The following H3-4 variants were observed in gnomAD, a reference collection of about 807,000 sequenced individuals.
The protein encoded by H3-4 is H3.4 histone, cluster member.
Under a neutral mutation model 3.8 loss-of-function variants are expected in H3-4, and 6 were observed. The ratio of observed to expected loss-of-function variants is 1.59; its 90% CI spans 0.87 to 3.13. H3-4 has a LOEUF of 3.13. Ranked by LOEUF, H3-4 falls within the 30% of genes most tolerant of loss-of-function variation. The pLI, the probability that H3-4 is intolerant of heterozygous loss-of-function variation, is 0.00. For synonymous variants in H3-4, 138 were observed against 86.5 expected, an observed-to-expected ratio of 1.60 and a Z score of -3.30; for missense variants, 298 against 202.4, an observed-to-expected ratio of 1.47 and a Z score of -2.87.
At position 228,425,244 on chromosome 1, in the gene H3-4, T is replaced by C. The variant is rs1275262455; in HGVS notation, c.82A>G (p.Lys28Glu). 4.3e-6 allele frequency: 7 copies of C among 1,613,528 alleles called. No homozygotes were observed. Among genetic ancestry groups the C allele is most frequent in the Non-Finnish European group, 5.1e-6 (6 of 1,179,748 alleles). ...RKQLATKVAR[K>E]SAPATGGVKK... Reference sequence around the variant, plus strand: ...ACGCCGCCAGTGGCAGGTGCGCTCTTGCGAGCCACCTTGGTGGCCAGCTGC... The same window carrying C: ...ACGCCGCCAGTGGCAGGTGCGCTCTCGCGAGCCACCTTGGTGGCCAGCTGC... The change falls in exon 1 of 1, where the codon AAG (lysine) becomes GAG (glutamate). Residue 28 changes from lysine (K) to glutamate (E), a missense_variant. Transcript: ENST00000366696.
In H3-4 at chr1:228,425,207, T is replaced by C. The variant is rs1177161942; in HGVS notation, c.119A>G (p.His40Arg). Residue 40 changes from histidine (H) to arginine (R), a missense_variant, in exon 1 of 1, where the codon CAC becomes CGC. Transcript: ENST00000366696. ...CGCCACCGTGCCGGGCCGGTAGCGG[T>C]GCGGCTTCTTCACGCCGCCAGTGGC... ...APATGGVKKP[H>R]RYRPGTVALR... 1 of 1,613,848 alleles carries C rather than the reference T, an allele frequency of 6.2e-7. No individual in the cohort carries two copies. Among genetic ancestry groups the C allele is most frequent in the South Asian group, 1.1e-5 (1 of 91,064 alleles).
chr1:228,424,859 T>C lies in H3-4; in HGVS notation c.*56A>G. 1.2e-6 allele frequency: 2 copies of C among 1,610,986 alleles called. No individual in the cohort carries two copies. The highest frequency in any genetic ancestry group is 1.7e-6 in the Non-Finnish European group (2 of 1,177,306). ...ACTCTTCGACCAGGTGGGTGGCTCTTAAAAGAGCCTTTGGGGTGAACGTTG... is the reference window on the plus strand; with the variant it reads ...ACTCTTCGACCAGGTGGGTGGCTCTCAAAAGAGCCTTTGGGGTGAACGTTG... On this transcript the variant is annotated 3_prime_UTR_variant, in exon 1 of 1. Transcript: ENST00000366696.
Position 228,424,905 on chromosome 1 carries a change from G to C in H3-4, c.*10C>G. The stretch of plus-strand genomic sequence containing the variant: ...CGTTGCGCAACCTCTCAGGTGGCGA[G>C]ATAGCCCTCCTAGGCCCGCTCCCCG... On this transcript the variant is annotated 3_prime_UTR_variant, in exon 1 of 1. Transcript: ENST00000366696. 2 of 1,614,200 alleles carry C rather than the reference G, an allele frequency of 1.2e-6. No homozygotes were observed. The highest frequency in any genetic ancestry group is 1.7e-6 in the Non-Finnish European group (2 of 1,180,026).
rs572693507 is a variant in H3-4 at position 228,425,209 on chromosome 1, C to T, written c.117G>A (p.Pro39=). Residue 39 remains proline, a synonymous_variant, in exon 1 of 1, where the codon CCG becomes CCA. Transcript: ENST00000366696. ...CCACCGTGCCGGGCCGGTAGCGGTGCGGCTTCTTCACGCCGCCAGTGGCAG... is the reference window on the plus strand; with the variant it reads ...CCACCGTGCCGGGCCGGTAGCGGTGTGGCTTCTTCACGCCGCCAGTGGCAG... ...SAPATGGVKK[P]HRYRPGTVAL... 11 of 1,613,834 alleles carry T rather than the reference C, an allele frequency of 6.8e-6. No homozygotes were observed. The Admixed American group carries it at 8.3e-5, about 12-fold the overall frequency.
chr1:228,425,333 A>G lies in H3-4; in HGVS notation c.-8T>C. The G allele has an allele frequency of 6.2e-7, 1 of 1,613,804 alleles. No homozygotes were observed. On this transcript the variant is annotated 5_prime_UTR_variant, in exon 1 of 1. Transcript: ENST00000366696. The stretch of plus-strand genomic sequence containing the variant: ...CTGCTTGGTTCGGGCCATGAATCCG[A>G]AACTGTTGGCCCCGCGGTGTCCTCT...
chr1:228,425,092 G>A lies in H3-4; in HGVS notation c.234C>T (p.Asp78=), dbSNP rs758405073. 10 of 1,614,280 alleles carry A rather than the reference G, an allele frequency of 6.2e-6. No individual in the cohort carries two copies. The highest frequency in any genetic ancestry group is 6.8e-6 in the Non-Finnish European group (8 of 1,180,050). The change falls in exon 1 of 1, where the codon GAC becomes GAT. Residue 78 remains aspartate (D), a synonymous_variant. Coordinates refer to ENST00000366696, the MANE Select transcript of H3-4 (RefSeq NM_003493.3). ...FQRLMREIAQ[D]FKTDLRFQSS... ...TCTGGAAGCGCAGGTCGGTCTTAAA[G>A]TCCTGAGCGATCTCGCGCATCAGCC...
At position 228,424,930 on chromosome 1, in the gene H3-4, G is replaced by A. The variant is rs767959555; in HGVS notation, c.396C>T (p.Arg132=). The change falls in exon 1 of 1, where the codon CGC becomes CGT. Residue 132 remains arginine, a synonymous_variant. Coordinates refer to ENST00000366696, the MANE Select transcript of H3-4 (RefSeq NM_003493.3). Reference sequence around the variant, plus strand: ...GATAGCCCTCCTAGGCCCGCTCCCCGCGGATACGGCGTGCCAGCTGGATGT... The same window carrying A: ...GATAGCCCTCCTAGGCCCGCTCCCCACGGATACGGCGTGCCAGCTGGATGT... The part of the protein sequence containing the change: ...PKDIQLARRI[R]GERA 9.9e-6 allele frequency: 16 copies of A among 1,614,030 alleles called. No individual in the cohort carries two copies. The African/African-American group carries it at 1.1e-4, about 11-fold the overall frequency.
Position 228,424,999 on chromosome 1 carries a change from G to C in H3-4, c.327C>G (p.Asn109Lys), listed in dbSNP as rs1245345861. ...SYLVGLFEDTNLCVIHAKRVT... is the reference protein window; with the variant it reads ...SYLVGLFEDTKLCVIHAKRVT... ...CCCGTTTGGCATGGATGACACACAG[G>C]TTGGTGTCCTCAAACAGCCCCACCA... The change falls in exon 1 of 1, where the codon AAC becomes AAG. Residue 109 changes from asparagine (N) to lysine (K), a missense_variant. By Grantham distance (94) the Asn-to-Lys change is moderately conservative. Transcript: ENST00000366696. 1 of 1,614,238 alleles carries C rather than the reference G, an allele frequency of 6.2e-7. No individual in the cohort carries two copies.
In H3-4 at chr1:228,425,342, G is replaced by GC; in HGVS notation, c.-18dup. On this transcript the variant is annotated 5_prime_UTR_variant, in exon 1 of 1. Coordinates refer to ENST00000366696, the MANE Select transcript of H3-4 (RefSeq NM_003493.3). ...TCGGGCCATGAATCCGAAACTGTTG[G>GC]CCCCGCGGTGTCCTCTGCCCAGACC... is the stretch of plus-strand genomic sequence containing the variant. The GC allele has an allele frequency of 1.9e-6, 3 of 1,613,726 alleles. No individual in the cohort carries two copies. The highest frequency in any genetic ancestry group is 2.5e-6 in the Non-Finnish European group (3 of 1,179,738).
chr1:228,425,062 C>G lies in H3-4; in HGVS notation c.264G>C (p.Ser88=). The G allele has an allele frequency of 1.2e-6, 2 of 1,614,274 alleles. No homozygotes were observed. The highest frequency in any genetic ancestry group is 1.1e-5 in the South Asian group (1 of 91,092). ...DFKTDLRFQS[S]AVMALQEACE... ...ACGCCTCCTGCAGCGCCATCACGGC[C>G]GAGCTCTGGAAGCGCAGGTCGGTCT... Residue 88 remains serine, a synonymous_variant, in exon 1 of 1, where the codon TCG becomes TCC. Coordinates refer to ENST00000366696, the MANE Select transcript of H3-4 (RefSeq NM_003493.3).
In H3-4 at chr1:228,425,040, C is replaced by T; in HGVS notation, c.286G>A (p.Ala96Thr). Residue 96 changes from alanine to threonine, a missense_variant, in exon 1 of 1, where the codon GCG (alanine) becomes ACG (threonine). Transcript: ENST00000366696. ...QSSAVMALQE[A>T]CESYLVGLFE... Reference sequence around the variant, plus strand: ...AGCCCCACCAGGTAAGACTCGCACGCCTCCTGCAGCGCCATCACGGCCGAG... The same window carrying T: ...AGCCCCACCAGGTAAGACTCGCACGTCTCCTGCAGCGCCATCACGGCCGAG... 1.9e-6 allele frequency: 3 copies of T among 1,614,292 alleles called. No homozygotes were observed. The highest frequency in any genetic ancestry group is 2.5e-6 in the Non-Finnish European group (3 of 1,180,050).
At position 228,425,030 on chromosome 1, in the gene H3-4, GACTCGCAC is replaced by G; in HGVS notation, c.288_295del (p.Cys97LeufsTer7). The G allele has an allele frequency of 6.2e-7, 1 of 1,614,270 alleles. No homozygotes were observed. Among genetic ancestry groups the G allele is most frequent in the Non-Finnish European group, 8.5e-7 (1 of 1,180,044 alleles). The stretch of plus-strand genomic sequence containing the variant: ...GTCCTCAAACAGCCCCACCAGGTAA[GACTCGCAC>G]GCCTCCTGCAGCGCCATCACGGCCG... On this transcript the variant is annotated frameshift_variant, in exon 1 of 1. Coordinates refer to ENST00000366696, the MANE Select transcript of H3-4 (RefSeq NM_003493.3). LOFTEE classifies it high-confidence loss of function.
Position 228,425,301 on chromosome 1 carries a change from G to A in H3-4, c.25C>T (p.Arg9Cys), listed in dbSNP as rs147766330. The A allele has an allele frequency of 2.1e-5, 34 of 1,613,770 alleles. No individual in the cohort carries two copies. The East Asian group carries it at 3.3e-4, about 16-fold the overall frequency. ...GGCGCCTTGCCACCCGTTGACTTGC[G>A]CGCAGTCTGCTTGGTTCGGGCCATG... MARTKQTARKSTGGKAPRK... is the reference protein window; with the variant it reads MARTKQTACKSTGGKAPRK... The change falls in exon 1 of 1, where the codon CGC (arginine) becomes TGC (cysteine). Residue 9 changes from arginine (R) to cysteine (C), a missense_variant. Coordinates refer to ENST00000366696, the MANE Select transcript of H3-4 (RefSeq NM_003493.3).
chr1:228,425,062 C>T lies in H3-4; in HGVS notation c.264G>A (p.Ser88=), dbSNP rs1657426109. The change falls in exon 1 of 1, where the codon TCG becomes TCA. Residue 88 remains serine, a synonymous_variant. Coordinates refer to ENST00000366696, the MANE Select transcript of H3-4 (RefSeq NM_003493.3). The part of the protein sequence containing the change: ...DFKTDLRFQS[S]AVMALQEACE... The stretch of plus-strand genomic sequence containing the variant: ...ACGCCTCCTGCAGCGCCATCACGGC[C>T]GAGCTCTGGAAGCGCAGGTCGGTCT... The T allele has an allele frequency of 1.9e-6, 3 of 1,614,158 alleles. No homozygotes were observed. The highest frequency in any genetic ancestry group is 2.7e-5 in the African/African-American group (2 of 74,956).
rs144064739 is a variant in H3-4, at chr1:228,425,122, G to C, written c.204C>G (p.Phe68Leu). The C allele has an allele frequency of 6.2e-7, 1 of 1,614,072 alleles. No homozygotes were observed. The highest frequency in any genetic ancestry group is 2.2e-5 in the East Asian group (1 of 44,884). Residue 68 changes from phenylalanine (F) to leucine (L), a missense_variant, in exon 1 of 1, where the codon TTC (phenylalanine) becomes TTG (leucine). Transcript: ENST00000366696. The stretch of plus-strand genomic sequence containing the variant: ...GAGCGATCTCGCGCATCAGCCGCTG[G>C]AAGGGCAACTTGCGGATTAGCAGCT... ...STELLIRKLPFQRLMREIAQD... is the reference protein window; with the variant it reads ...STELLIRKLPLQRLMREIAQD...
rs144390696 is a variant in H3-4 at position 228,425,201 on chromosome 1, T to C, written c.125A>G (p.Tyr42Cys). The C allele has an allele frequency of 3.8e-5, 62 of 1,613,972 alleles. 1 individual carries two copies. Among genetic ancestry groups the C allele is most frequent in the African/African-American group, 3.2e-4 (24 of 75,070 alleles). The stretch of plus-strand genomic sequence containing the variant: ...GCGAAGCGCCACCGTGCCGGGCCGG[T>C]AGCGGTGCGGCTTCTTCACGCCGCC... ...ATGGVKKPHRYRPGTVALREI... is the reference protein window; with the variant it reads ...ATGGVKKPHRCRPGTVALREI... The change falls in exon 1 of 1, where the codon TAC becomes TGC. Residue 42 changes from tyrosine (Y) to cysteine (C), a missense_variant. Coordinates refer to ENST00000366696, the MANE Select transcript of H3-4 (RefSeq NM_003493.3).
In H3-4 at chr1:228,424,949, T is replaced by G. The variant is rs375937549; in HGVS notation, c.377A>C (p.Gln126Pro). The G allele has an allele frequency of 9.9e-6, 16 of 1,614,060 alleles. No individual in the cohort carries two copies. The highest frequency in any genetic ancestry group is 4.0e-5 in the African/African-American group (3 of 74,922). ...CTCCCCGCGGATACGGCGTGCCAGC[T>G]GGATGTCCTTAGGCATGATGGTGAC... ...KRVTIMPKDI[Q>P]LARRIRGERA The change falls in exon 1 of 1, where the codon CAG becomes CCG. Residue 126 changes from glutamine (Q) to proline (P), a missense_variant. Gln to Pro is a moderately conservative substitution (Grantham distance 76). Transcript: ENST00000366696.
Position 228,425,278 on chromosome 1 carries a change from C to T in H3-4, c.48G>A (p.Ala16=), listed in dbSNP as rs771866155. ...CCTTGGTGGCCAGCTGCTTGCGCGG[C>T]GCCTTGCCACCCGTTGACTTGCGCG... The part of the protein sequence containing the change: ...QTARKSTGGK[A]PRKQLATKVA... Residue 16 remains alanine, a synonymous_variant, in exon 1 of 1, where the codon GCG becomes GCA. Coordinates refer to ENST00000366696, the MANE Select transcript of H3-4 (RefSeq NM_003493.3). The T allele has an allele frequency of 6.8e-6, 11 of 1,613,704 alleles. No homozygotes were observed. The highest frequency in any genetic ancestry group is 2.2e-5 in the South Asian group (2 of 91,066).
rs576684354 is a variant in H3-4, at chr1:228,425,188, C to A, written c.138G>T (p.Thr46=). Reference sequence around the variant, plus strand: ...AGCGGCGGATCTCGCGAAGCGCCACCGTGCCGGGCCGGTAGCGGTGCGGCT... The same window carrying A: ...AGCGGCGGATCTCGCGAAGCGCCACAGTGCCGGGCCGGTAGCGGTGCGGCT... ...VKKPHRYRPG[T]VALREIRRYQ... The change falls in exon 1 of 1, where the codon ACG becomes ACT. Residue 46 remains threonine, a synonymous_variant. Transcript: ENST00000366696. The A allele has an allele frequency of 1.2e-6, 2 of 1,613,968 alleles. No individual in the cohort carries two copies. Among genetic ancestry groups the A allele is most frequent in the African/African-American group, 2.7e-5 (2 of 74,950 alleles).
Sources: allele counts gnomAD v4.1 joint callset, GRCh38; gene constraint gnomAD v4.1.1; transcripts MANE v1.5; gene names NCBI Gene and HGNC (gene_info 2026-07-23, HGNC 2026-07-21).